Variants in ANKRD11 observed in about 807,000 individuals in gnomAD.
ANKRD11 encodes ankyrin repeat domain 11.
In ANKRD11, 17 loss-of-function variants were observed where a neutral mutation model predicts 195.7. The observed-to-expected ratio is 0.09, with a 90% CI of 0.06 to 0.13. ANKRD11 has a LOEUF of 0.13. ANKRD11 is among the 10% of genes least tolerant of loss of function. The pLI, the probability that ANKRD11 is intolerant of heterozygous loss-of-function variation, is 1.00. For missense variants in ANKRD11, 3,735 were observed against 3,566.1 expected (o/e 1.05, Z -1.21); for synonymous variants, 1,953 against 1,528.1 (o/e 1.28, Z -6.49).
intron 2 of ANKRD11, among the ~76,000 whole-genome samples, chr16:89,366,175 G>T (rs1393536458): frequency 2.7e-5 from 4 of 148,942 alleles, no homozygotes; most frequent in African/African-American, 7.4e-5. Context: ...TCTTTTTCAT[G>T]GCTGCACAGT....
intron 2 of ANKRD11, among the ~76,000 whole-genome samples, chr16:89,349,297 G>A (rs1467712746): frequency 3.3e-5 from 5 of 152,012 alleles, no homozygotes; most frequent in African/African-American, 4.8e-5. Flanking sequence ...GGGAGAACAC[G>A]GTGAAACCCC....
At chr16:89,362,522 T>C (rs1237408461) in intron 2 of ANKRD11, among the ~76,000 whole-genome samples, 5 of 152,220 alleles carry the variant, frequency 3.3e-5, no homozygotes, top group Non-Finnish European at 7.3e-5. Context: ...CCAGAGATAC[T>C]GGGCGGAGCA....
At chr16:89,288,094 T>C (rs554441829) in intron 7 of ANKRD11, 7 of 571,880 alleles carry the variant, frequency 1.2e-5, no homozygotes, top group African/African-American at 3.7e-5. Context: ...GGCCACTTTC[T>C]AAAGCTTGAG....
Position 89,417,586 on chromosome 16 carries a change from C to A in ANKRD11, c.-60+698G>T, listed in dbSNP as rs7195636. Among the ~76,000 whole-genome samples the A allele has an allele frequency of 1.9e-3, 288 of 152,280 alleles. 2 individuals are homozygous for A. The highest frequency in any genetic ancestry group is 6.3e-3 in the African/African-American group (261 of 41,542). On this transcript the variant is annotated intron_variant, in intron 2 of 12. Transcript: ENST00000301030. Reference sequence around the variant, plus strand: ...AGTCAGGGCTGGCGAACCAGGCTCCCACTCCTTACCTGCCAACCATACACA... The same window carrying A: ...AGTCAGGGCTGGCGAACCAGGCTCCAACTCCTTACCTGCCAACCATACACA...
At chr16:89,409,829 A>AATTTATTTATTTATTT (rs1262220424) in intron 2 of ANKRD11, among the ~76,000 whole-genome samples, 36 of 151,500 alleles carry the variant, frequency 2.4e-4, no homozygotes, top group African/African-American at 8.8e-4. Flanking sequence ...TTTCAATCTA[A>AATTTATTTATTTATTT]ATTTATTTAT....
intron 2 of ANKRD11, among the ~76,000 whole-genome samples, chr16:89,402,961 T>C (rs1032009134): frequency 3.9e-5 from 6 of 152,090 alleles, no homozygotes; most frequent in African/African-American, 7.2e-5. Context: ...GGAGACCTCT[T>C]TTCCGCCTGG....
chr16:89,407,106 T>G (rs1597311334), intron 2 of ANKRD11, among the ~76,000 whole-genome samples: 1 of 151,450 alleles, frequency 6.6e-6, no homozygotes, highest in Non-Finnish European at 1.5e-5. Flanking sequence ...GAAGCCCAGG[T>G]ACTCGGGAGG....
At chr16:89,448,183 G>A (rs1008565379) in intron 1 of ANKRD11, among the ~76,000 whole-genome samples, 6 of 152,038 alleles carry the variant, frequency 3.9e-5, no homozygotes, top group African/African-American at 1.5e-4. Context: ...TGGGCACCCT[G>A]CAGACAGTGG....
intron 1 of ANKRD11, among the ~76,000 whole-genome samples, chr16:89,456,023 G>A (rs1597463674): frequency 6.6e-6 from 1 of 152,070 alleles, no homozygotes; most frequent in East Asian, 1.9e-4. Flanking sequence ...CCAATCACCT[G>A]AGGTCAGGAG....
chr16:89,432,998 T>TCCTCTCTCTCA (rs1555577390), intron 1 of ANKRD11, among the ~76,000 whole-genome samples: 3 of 140,086 alleles, frequency 2.1e-5, no homozygotes, highest in African/African-American at 8.2e-5. Flanking sequence ...CTCCTCTCTC[T>TCCTCTCTCTCA]CACACACACA....
intron 2 of ANKRD11, among the ~76,000 whole-genome samples, chr16:89,385,781 C>T (rs1292125751): frequency 2.0e-5 from 3 of 152,230 alleles, no homozygotes; most frequent in African/African-American, 7.2e-5. Flanking sequence ...GCAGTGAGAC[C>T]GTGCCAGAGC....
rs916324151 is a variant in ANKRD11 at position 89,312,180 on chromosome 16, G to A, written c.87+4753C>T. ...CCCAAAGTGCTGGGATGACAGGTGT[G>A]AGCCACCGCACCTGGCCAGGAACTT... On this transcript the variant is annotated intron_variant, in intron 3 of 12. Transcript: ENST00000301030. Among the ~76,000 whole-genome samples, 5 of 152,202 alleles carry A rather than the reference G, an allele frequency of 3.3e-5. No individual in the cohort carries two copies. In the East Asian group the frequency reaches 7.7e-4, roughly 23 times the overall value.
intron 2 of ANKRD11, among the ~76,000 whole-genome samples, chr16:89,389,679 A>G (rs968762249): frequency 1.3e-5 from 2 of 152,230 alleles, no homozygotes; most frequent in African/African-American, 4.8e-5. Context: ...CAACTCAAAC[A>G]TGAGCAAAAA....
intron 3 of ANKRD11, chr16:89,313,590 C>G: frequency 1.6e-6 from 2 of 1,289,062 alleles, no homozygotes; most frequent in South Asian, 1.2e-5. Context: ...TTGGAAAAAT[C>G]TAAAAATATA....
At chr16:89,374,768 C>T (rs1393209065) in intron 2 of ANKRD11, among the ~76,000 whole-genome samples, 2 of 152,190 alleles carry the variant, frequency 1.3e-5, no homozygotes, top group Non-Finnish European at 2.9e-5. Context: ...CCATGATGAA[C>T]GTGGACACAC....
chr16:89,288,765 G>A (rs986089789), intron 6 of ANKRD11, 95 bp from the exon 7 acceptor site: 6 of 1,581,096 alleles, frequency 3.8e-6, no homozygotes, highest in Admixed American at 3.4e-5. Context: ...ACAGTGCGGG[G>A]ACAAGCCAGG....
At chr16:89,476,713 G>A (rs1429995357) in intron 1 of ANKRD11, among the ~76,000 whole-genome samples, 1 of 152,184 alleles carries the variant, frequency 6.6e-6, no homozygotes, top group Non-Finnish European at 1.5e-5. Context: ...ATATCCTAGA[G>A]GTATACTACA....
chr16:89,318,519 C>T (rs182722831), intron 2 of ANKRD11, among the ~76,000 whole-genome samples: 16 of 152,314 alleles, frequency 1.1e-4, no homozygotes, highest in South Asian at 2.1e-4. Context: ...TTACCCATCT[C>T]GCTCATGCAC....
chr16:89,276,780 G>A (rs186389506), intron 9 of ANKRD11, among the ~76,000 whole-genome samples: 4 of 152,264 alleles, frequency 2.6e-5, no homozygotes, highest in African/African-American at 4.8e-5. Flanking sequence ...GATTTAGGCC[G>A]AGCGCAGTGG....
Sources: allele counts gnomAD v4.1 joint callset (sites outside exome capture counted in the v4.1 genomes callset), GRCh38; gene constraint gnomAD v4.1.1; transcripts MANE v1.5; gene names NCBI Gene and HGNC (gene_info 2026-07-23, HGNC 2026-07-21).